The following CXCL3 variants were observed in gnomAD, a reference collection of about 807,000 sequenced individuals.
CXCL3 encodes C-X-C motif chemokine 3.
In CXCL3, 10 loss-of-function variants were observed where a neutral mutation model predicts 11.5. That is an observed-to-expected ratio of 0.87 (90% CI 0.54 to 1.48). The LOEUF is 1.48. Among genes scored for constraint, CXCL3 ranks in the 40% most tolerant of loss-of-function variants. The pLI is 0.00. For missense variants in CXCL3, 149 were observed against 139.1 expected, an observed-to-expected ratio of 1.07 and a Z score of -0.36; for synonymous variants, 61 against 60.9, an observed-to-expected ratio of 1.00 and a Z score of -0.01.
At chr4:74,037,463 T>TTTC (rs1553926134) in intron 3 of CXCL3, 186 bp from the exon 4 acceptor site, 4 of 614,596 alleles carry the variant, frequency 6.5e-6, no homozygotes, top group Non-Finnish European at 1.1e-5. Flanking sequence ...TTTTTTTTTT[T>TTTC]CAAGAAAGAA....
chr4:74,038,490 A>T, intron 1 of CXCL3, 22 bp downstream of exon 1: 2 of 1,561,616 alleles, frequency 1.3e-6, no homozygotes, highest in Non-Finnish European at 1.7e-6. Context: ...CGGCCCGGGG[A>T]CCCCAGGGCG....
rs750896756 is a variant in CXCL3, at chr4:74,038,339, T to A, written c.175A>T (p.Ser59Cys). Residue 59 changes from serine to cysteine, a missense_variant, in exon 2 of 4, where the codon AGT becomes TGT. Ser to Cys is a moderately radical substitution (Grantham distance 112). Coordinates refer to ENST00000296026, the MANE Select transcript of CXCL3 (RefSeq NM_002090.3). Reference sequence around the variant, plus strand: ...GGTCCGGGGGACCTTACATTCACACTTTGGATGTTCTTGAGGTGAATTCCC... The same window carrying A: ...GGTCCGGGGGACCTTACATTCACACATTGGATGTTCTTGAGGTGAATTCCC... Reference protein sequence around the residue: ...LQGIHLKNIQSVNVRSPGPHC... With the variant: ...LQGIHLKNIQCVNVRSPGPHC... The A allele has an allele frequency of 7.4e-6, 12 of 1,614,016 alleles. No individual in the cohort carries two copies. The Admixed American group carries it at 1.3e-4, about 18-fold the overall frequency.
At position 74,038,372 on chromosome 4, in the gene CXCL3, T is replaced by C. The variant is rs1292065892; in HGVS notation, c.142A>G (p.Thr48Ala). Residue 48 changes from threonine to alanine, a missense_variant, in exon 2 of 4, where the codon ACA becomes GCA. Thr to Ala is a moderately conservative substitution (Grantham distance 58, BLOSUM62 0). Transcript: ENST00000296026. ...VTELRCQCLQ[T>A]LQGIHLKNIQ... is the part of the protein sequence containing the mutation. ...TTCTTGAGGTGAATTCCCTGCAGTG[T>C]CTGCAAGCACTGGCAGCGCAGTTCA... 5 of 1,614,050 alleles carry C rather than the reference T, an allele frequency of 3.1e-6. No individual in the cohort carries two copies. The highest frequency in any genetic ancestry group is 1.3e-5 in the African/African-American group (1 of 74,930).
In CXCL3 at chr4:74,037,946, T is replaced by C. The variant is rs904179398; in HGVS notation, c.308+147A>G. ...CACCAGAGCAGATTAATAACCTTAA[T>C]GGCAACTTTAATTGTGAAAATAATA... On this transcript the variant is annotated intron_variant, in intron 3 of 3. Transcript: ENST00000296026. 8 of 853,426 alleles carry C rather than the reference T, an allele frequency of 9.4e-6. No individual in the cohort carries two copies. In the African/African-American group the frequency reaches 1.2e-4, roughly 13 times the overall value. 52.9% of individuals were successfully genotyped at this position (853,426 alleles called of 1,614,324 possible). A position where few individuals can be genotyped will look rare whatever the true frequency, so the allele number is the denominator to read the frequency against.
Position 74,038,281 on chromosome 4 carries a change from GGGACTTACATGACTTC to G in CXCL3, c.217_224+8del. ...AGCGGTGGCAGCGGAAGCGCGGGGC[GGGACTTACATGACTTC>G]GGTTTGGGCGCAGTGGGGTCCGGGG... is the stretch of plus-strand genomic sequence containing the variant. On this transcript the variant is annotated splice_donor_variant and splice_donor_5th_base_variant and coding_sequence_variant and intron_variant, in exon 2 of 4. Coordinates refer to ENST00000296026, the MANE Select transcript of CXCL3 (RefSeq NM_002090.3). LOFTEE classifies it high-confidence loss of function. 1.2e-6 allele frequency: 2 copies of G among 1,613,958 alleles called. No homozygotes were observed. The highest frequency in any genetic ancestry group is 2.2e-5 in the South Asian group (2 of 91,076).
At chr4:74,037,659 T>G in intron 3 of CXCL3, 1 of 304,878 alleles carries the variant, frequency 3.3e-6, no homozygotes, top group Non-Finnish European at 6.1e-6. Flanking sequence ...TTGACAGGGA[T>G]CCTAGCCTTG....
At chr4:74,038,057 C>T (rs1720033958) in intron 3 of CXCL3, 36 bp downstream of exon 3, 1 of 1,608,630 alleles carries the variant, frequency 6.2e-7, no homozygotes, top group Non-Finnish European at 8.5e-7. Context: ...TGACCAACGG[C>T]TCCAGTCGCC....
chr4:74,036,862 G>T lies in CXCL3; in HGVS notation c.*400C>A, dbSNP rs1185614998. On this transcript the variant is annotated 3_prime_UTR_variant, in exon 4 of 4. Transcript: ENST00000296026. ...GTACATACATTCCCTTACCCTAACA[G>T]TGATCCACTAATTGCTTGCATTTCA... 1 of 178,250 alleles carries T rather than the reference G, an allele frequency of 5.6e-6. No homozygotes were observed. The highest frequency in any genetic ancestry group is 2.4e-5 in the African/African-American group (1 of 42,076). The allele number at this position is 178,250 out of a possible 1,614,324, so 11.0% of individuals were successfully genotyped here. A position where few individuals can be genotyped will look rare whatever the true frequency, so the allele number is the denominator to read the frequency against.
rs1720003797 is a variant in CXCL3, at chr4:74,036,891, C to A, written c.*371G>T. On this transcript the variant is annotated 3_prime_UTR_variant, in exon 4 of 4. Transcript: ENST00000296026. Reference sequence around the variant, plus strand: ...TCCACTAATTGCTTGCATTTCAATCCCCCCACCCTCCAGTTCCCCACCCTG... The same window carrying A: ...TCCACTAATTGCTTGCATTTCAATCACCCCACCCTCCAGTTCCCCACCCTG... 1 of 186,906 alleles carries A rather than the reference C, an allele frequency of 5.4e-6. No individual in the cohort carries two copies. The highest frequency in any genetic ancestry group is 1.1e-5 in the Non-Finnish European group (1 of 89,104). 11.6% of individuals were successfully genotyped at this position (186,906 alleles called of 1,614,324 possible).
chr4:74,036,787 A>G lies in CXCL3; in HGVS notation c.*475T>C, dbSNP rs1213567038. 1 of 153,166 alleles carries G rather than the reference A, an allele frequency of 6.5e-6. No individual in the cohort carries two copies. The highest frequency in any genetic ancestry group is 2.4e-5 in the African/African-American group (1 of 41,440). 9.5% of individuals were successfully genotyped at this position (153,166 alleles called of 1,614,324 possible). ...CACATAATGTGAGATAATTTGAATA[A>G]ATAACAACTGACATTCTTTTTTTAA... On this transcript the variant is annotated 3_prime_UTR_variant, in exon 4 of 4. Coordinates refer to ENST00000296026, the MANE Select transcript of CXCL3 (RefSeq NM_002090.3).
In CXCL3 at chr4:74,036,810, TA is replaced by T. The variant is rs551729161; in HGVS notation, c.*451del. 10 of 152,370 alleles carry T rather than the reference TA, an allele frequency of 6.6e-5. No homozygotes were observed. The highest frequency in any genetic ancestry group is 2.1e-4 in the South Asian group (1 of 4,856). The allele number at this position is 152,370 out of a possible 1,614,324, so 9.4% of individuals were successfully genotyped here. On this transcript the variant is annotated 3_prime_UTR_variant, in exon 4 of 4. Transcript: ENST00000296026. The stretch of plus-strand genomic sequence containing the variant: ...TAAATAACAACTGACATTCTTTTTT[TA>T]AAAAAAAAGTATAAAAAATAGATGT...
At chr4:74,038,055 G>A (rs1433790652) in intron 3 of CXCL3, 38 bp downstream of exon 3, 4 of 1,605,414 alleles carry the variant, frequency 2.5e-6, no homozygotes, top group South Asian at 2.2e-5. Flanking sequence ...TCTGACCAAC[G>A]GCTCCAGTCG....
Position 74,038,125 on chromosome 4 carries a change from C to A in CXCL3, c.276G>T (p.Met92Ile). 1 of 1,614,060 alleles carries A rather than the reference C, an allele frequency of 6.2e-7. No individual in the cohort carries two copies. The highest frequency in any genetic ancestry group is 8.5e-7 in the Non-Finnish European group (1 of 1,180,004). ...GTATCTTTTCGATGATTTTCTGAAC[C>A]ATGGGGGATGCGGGGTTGAGACAAG... The part of the protein sequence containing the change: ...KKACLNPASP[M>I]VQKIIEKILN... The change falls in exon 3 of 4, where the codon ATG (methionine) becomes ATT (isoleucine). Residue 92 changes from methionine to isoleucine, a missense_variant. Transcript: ENST00000296026.
Position 74,038,428 on chromosome 4 carries a change from ACT to A in CXCL3, c.101-17_101-16del. On this transcript the variant is annotated splice_polypyrimidine_tract_variant and intron_variant, in intron 1 of 3. Transcript: ENST00000296026. ...CACGGACGCTCCTAGGGAAGAATAGACTCGCTGATTGAGCGGGGCTGTCGGCG... is the reference window on the plus strand; with the variant it reads ...CACGGACGCTCCTAGGGAAGAATAGACGCTGATTGAGCGGGGCTGTCGGCG... The A allele has an allele frequency of 6.2e-7, 1 of 1,606,954 alleles. No individual in the cohort carries two copies. The highest frequency in any genetic ancestry group is 8.5e-7 in the Non-Finnish European group (1 of 1,177,306).
At position 74,038,283 on chromosome 4, in the gene CXCL3, G is replaced by T; in HGVS notation, c.224+7C>A. The T allele has an allele frequency of 6.2e-7, 1 of 1,614,028 alleles. No individual in the cohort carries two copies. Among genetic ancestry groups the T allele is most frequent in the Non-Finnish European group, 8.5e-7 (1 of 1,179,964 alleles). On this transcript the variant is annotated splice_region_variant and intron_variant, in intron 2 of 3. Coordinates refer to ENST00000296026, the MANE Select transcript of CXCL3 (RefSeq NM_002090.3). Reference sequence around the variant, plus strand: ...CGGTGGCAGCGGAAGCGCGGGGCGGGACTTACATGACTTCGGTTTGGGCGC... The same window carrying T: ...CGGTGGCAGCGGAAGCGCGGGGCGGTACTTACATGACTTCGGTTTGGGCGC...
chr4:74,037,701 G>C lies in CXCL3; in HGVS notation c.308+392C>G. ...CTGAAGGTGTTACTGCAAAGTTTCTGCTCTTCACCAAGAAGGCTTACAGGC... is the reference window on the plus strand; with the variant it reads ...CTGAAGGTGTTACTGCAAAGTTTCTCCTCTTCACCAAGAAGGCTTACAGGC... On this transcript the variant is annotated intron_variant, in intron 3 of 3. Transcript: ENST00000296026. 2.3e-5 allele frequency: 7 copies of C among 304,052 alleles called. No individual in the cohort carries two copies. In the South Asian group the frequency reaches 2.5e-4, roughly 11 times the overall value. The allele number at this position is 304,052 out of a possible 1,614,324, so 18.8% of individuals were successfully genotyped here. A position where few individuals can be genotyped will look rare whatever the true frequency, so the allele number is the denominator to read the frequency against.
chr4:74,036,991 T>C lies in CXCL3; in HGVS notation c.*271A>G. 1 of 344,136 alleles carries C rather than the reference T, an allele frequency of 2.9e-6. No homozygotes were observed. The highest frequency in any genetic ancestry group is 3.9e-5 in the South Asian group (1 of 25,500). The allele number at this position is 344,136 out of a possible 1,614,324, so 21.3% of individuals were successfully genotyped here. The stretch of plus-strand genomic sequence containing the variant: ...TTAATGACACATTTAAAACCCATCA[T>C]ATTCCAATTAAATAATCAGGACTGA... On this transcript the variant is annotated 3_prime_UTR_variant, in exon 4 of 4. Transcript: ENST00000296026.
Position 74,037,116 on chromosome 4 carries a change from G to A in CXCL3, c.*146C>T, listed in dbSNP as rs201879346. ...AAATACATAAATAAGTAGAACCCTC[G>A]TAAGAAATAGTCAAACACATTAAGT... On this transcript the variant is annotated 3_prime_UTR_variant, in exon 4 of 4. Coordinates refer to ENST00000296026, the MANE Select transcript of CXCL3 (RefSeq NM_002090.3). The A allele has an allele frequency of 5.4e-4, 400 of 734,164 alleles. 1 individual carries two copies. The highest frequency in any genetic ancestry group is 2.5e-3 in the Middle Eastern group (10 of 4,042). 45.5% of individuals were successfully genotyped at this position (734,164 alleles called of 1,614,324 possible).
chr4:74,038,579 G>T lies in CXCL3; in HGVS notation c.33C>A (p.Ser11Arg), dbSNP rs182216932. ...GCGCCACCCGCAGGAGCCGGGGATT[G>T]CTGGGGGCGGCGGAGAGCGTGGCGT... MAHATLSAAP[S>R]NPRLLRVALL... Residue 11 changes from serine to arginine, a missense_variant, in exon 1 of 4, where the codon AGC (serine) becomes AGA (arginine). By Grantham distance (110) the Ser-to-Arg change is moderately radical (BLOSUM62 -1). Transcript: ENST00000296026. 0.018 allele frequency: 27,137 copies of T among 1,486,728 alleles called. 636 individuals are homozygous for T. Among genetic ancestry groups the T allele is most frequent in the East Asian group, 0.14 (4,595 of 33,786 alleles). The allele number at this position is 1,486,728 out of a possible 1,614,324, so 92.1% of individuals were successfully genotyped here. A position where few individuals can be genotyped will look rare whatever the true frequency, so the allele number is the denominator to read the frequency against.
Sources: allele counts gnomAD v4.1 joint callset, GRCh38; gene constraint gnomAD v4.1.1; transcripts MANE v1.5; gene names NCBI Gene and HGNC (gene_info 2026-07-23, HGNC 2026-07-21).